Variants in RFPL1 observed in about 807,000 individuals in gnomAD.
RFPL1 encodes ret finger protein-like 1.
A neutral mutation model predicts 9.6 loss-of-function variants in RFPL1; 6 were observed. The ratio of observed to expected loss-of-function variants is 0.62; its 90% confidence interval spans 0.34 to 1.23. RFPL1 has a LOEUF of 1.23. RFPL1 is among the 50% of genes most tolerant of loss of function. The pLI is 0.03. For missense variants in RFPL1, 352 were observed against 398.4 expected (o/e 0.88, Z 0.99); for synonymous variants, 145 against 149.4 (o/e 0.97, Z 0.22).
chr22:29,432,913 T>C, the RFPL1 span: 6 of 152,316 alleles, frequency 3.9e-5, 1 homozygote, highest in Admixed American at 2.0e-4. Context: ...TGAACTCCAA[T>C]ATCATGTACC....
chr22:29,441,870 T>C (rs371458794), exon 2 of RFPL1: 22 of 1,613,708 alleles, frequency 1.4e-5, no homozygotes, highest in Non-Finnish European at 1.7e-5. Context: ...TGCCGCTGAC[T>C]TTCCTCTTCG....
chr22:29,391,632 C>T, the RFPL1 span, among the ~76,000 whole-genome samples: 3 of 152,128 alleles, frequency 2.0e-5, no homozygotes, highest in South Asian at 2.1e-4. Flanking sequence ...GTCACAGCAC[C>T]GGGCGGCTCA....
At chr22:29,434,507 A>C (rs891428224), upstream of RFPL1, 1 of 157,992 alleles carries the variant, frequency 6.3e-6, no homozygotes, top group Non-Finnish European at 1.5e-5. Context: ...TGGAGTGTCC[A>C]TTGTGGATTT....
chr22:29,432,844 A>G, the RFPL1 span: 1 of 152,356 alleles, frequency 6.6e-6, no homozygotes, highest in African/African-American at 2.4e-5. Context: ...GCAGGCACTG[A>G]TATGTCTCTA....
At chr22:29,410,392 ATT>A in the RFPL1 span, among the ~76,000 whole-genome samples, 2 of 70,444 alleles carry the variant, frequency 2.8e-5, no homozygotes, top group Non-Finnish European at 4.8e-5. Context: ...AGATATATAT[ATT>A]GTAGATATAT....
At chr22:29,419,823 A>G in the RFPL1 span, among the ~76,000 whole-genome samples, 48 of 150,750 alleles carry the variant, frequency 3.2e-4, no homozygotes, top group Non-Finnish European at 5.0e-4. Context: ...AAAAGAAAAG[A>G]AAAAAAAAGA....
chr22:29,439,430 G>A lies in RFPL1; in HGVS notation c.373+266G>A, dbSNP rs531090079. ...GGGTGGATCACGAGGTCAGGAGATCGGGACCATCCTGGATAACACGGTGAA... is the reference window on the plus strand; with the variant it reads ...GGGTGGATCACGAGGTCAGGAGATCAGGACCATCCTGGATAACACGGTGAA... On this transcript the variant is annotated intron_variant, in intron 1 of 1. Coordinates refer to ENST00000354373, the Ensembl canonical transcript of RFPL1. 6.1e-4 allele frequency: 317 copies of A among 517,280 alleles called. 3 individuals are homozygous for A. Among genetic ancestry groups the A allele is most frequent in the Non-Finnish European group, 9.1e-4 (264 of 290,670 alleles). 32.0% of individuals were successfully genotyped at this position (517,280 alleles called of 1,614,324 possible).
the RFPL1 span, among the ~76,000 whole-genome samples, chr22:29,430,767 T>C: frequency 1.3e-3 from 202 of 152,328 alleles, 1 homozygote; most frequent in African/African-American, 4.5e-3. Context: ...ACTAGCCCTA[T>C]TCATAGATTA....
chr22:29,389,406 G>T, the RFPL1 span, among the ~76,000 whole-genome samples: 1 of 145,556 alleles, frequency 6.9e-6, no homozygotes, highest in African/African-American at 2.5e-5. Flanking sequence ...AAAAAAAATG[G>T]CCGGGCATGG....
the RFPL1 span, among the ~76,000 whole-genome samples, chr22:29,397,499 A>G: frequency 6.6e-6 from 1 of 152,150 alleles, no homozygotes; most frequent in Admixed American, 6.5e-5. Flanking sequence ...TTCCCAAGCC[A>G]GTGCCAACAG....
the RFPL1 span, chr22:29,419,254 A>G: frequency 6.9e-7 from 1 of 1,443,282 alleles, no homozygotes; most frequent in Non-Finnish European, 9.8e-7. Context: ...CAGCTCGAAG[A>G]TCTCCCCTAA....
chr22:29,408,580 T>G, the RFPL1 span, among the ~76,000 whole-genome samples: 1 of 152,242 alleles, frequency 6.6e-6, no homozygotes, highest in Non-Finnish European at 1.5e-5. Context: ...AAGATGTATT[T>G]CTTTCTCTGG....
At chr22:29,407,080 TGTGTGTGTGTG>T in the RFPL1 span, among the ~76,000 whole-genome samples, 9 of 94 alleles carry the variant, frequency 0.096, no homozygotes, top group South Asian at 0.27. Flanking sequence ...GTTGTTCTTT[TGTGTGTGTGTG>T]TGTGTGTGTG....
the RFPL1 span, among the ~76,000 whole-genome samples, chr22:29,399,901 C>G: frequency 5.3e-5 from 8 of 152,160 alleles, no homozygotes; most frequent in South Asian, 1.7e-3. Flanking sequence ...CATATTTGAG[C>G]CTCTGGGTTT....
chr22:29,413,080 C>T, the RFPL1 span, among the ~76,000 whole-genome samples: 5 of 151,670 alleles, frequency 3.3e-5, no homozygotes, highest in African/African-American at 4.8e-5. Context: ...GAGCAGCAAA[C>T]GATTCTGCAG....
the RFPL1 span, among the ~76,000 whole-genome samples, chr22:29,407,077 TTTTG>T: frequency 4.1e-5 from 3 of 72,830 alleles, no homozygotes; most frequent in Non-Finnish European, 7.4e-5. Flanking sequence ...AGAGTTGTTC[TTTTG>T]TGTGTGTGTG....
At chr22:29,394,801 G>T in the RFPL1 span, among the ~76,000 whole-genome samples, 1 of 152,222 alleles carries the variant, frequency 6.6e-6, no homozygotes, top group African/African-American at 2.4e-5. Flanking sequence ...TGAGGCCACT[G>T]AAGTCCTGAA....
At chr22:29,388,909 T>C in the RFPL1 span, among the ~76,000 whole-genome samples, 1 of 152,176 alleles carries the variant, frequency 6.6e-6, no homozygotes, top group Non-Finnish European at 1.5e-5. Flanking sequence ...GGTCTTGCTC[T>C]GTTGCTCAAG....
chr22:29,420,478 G>A, the RFPL1 span, among the ~76,000 whole-genome samples: 3 of 151,938 alleles, frequency 2.0e-5, no homozygotes, highest in Non-Finnish European at 2.9e-5. Context: ...CTACAGGCAC[G>A]TGCCGTCATG....
Sources: allele counts gnomAD v4.1 joint callset (sites outside exome capture counted in the v4.1 genomes callset), GRCh38; gene constraint gnomAD v4.1.1; transcripts MANE v1.5; gene names NCBI Gene and HGNC (gene_info 2026-07-23, HGNC 2026-07-21).